The following PHLDB2 variants were observed in gnomAD, a reference collection of about 807,000 sequenced individuals.
PHLDB2 encodes pleckstrin homology like domain family B member 2, also known as pleckstrin homology-like domain family B member 2.
Under a neutral mutation model 123.6 loss-of-function variants are expected in PHLDB2, and 71 were observed. The ratio of observed to expected loss-of-function variants is 0.57; its 90% confidence interval spans 0.47 to 0.70. The LOEUF is 0.70. PHLDB2 is among the 30% of genes least tolerant of loss of function. The pLI is 0.00. For synonymous variants in PHLDB2, 547 were observed against 541.6 expected (o/e 1.01, Z -0.14); for missense variants, 1,446 against 1,519.5 (o/e 0.95, Z 0.80).
At chr3:111,738,929 T>C (rs1227392490) in intron 1 of PHLDB2, among the ~76,000 whole-genome samples, 5 of 152,140 alleles carry the variant, frequency 3.3e-5, no homozygotes, top group Non-Finnish European at 7.4e-5. Context: ...ATAGGAGACC[T>C]CGGTTGTGTT....
At chr3:111,769,851 A>C (rs1013756893) in intron 1 of PHLDB2, among the ~76,000 whole-genome samples, 1 of 152,264 alleles carries the variant, frequency 6.6e-6, no homozygotes, top group East Asian at 1.9e-4. Flanking sequence ...GATGAAACAC[A>C]TATGTTTAAG....
At chr3:111,852,423 G>A (rs1241018191) in intron 2 of PHLDB2, among the ~76,000 whole-genome samples, 1 of 148,514 alleles carries the variant, frequency 6.7e-6, no homozygotes, top group African/African-American at 2.5e-5. Context: ...TAATCCTTAT[G>A]TATAATTATC....
At position 111,859,828 on chromosome 3, in the gene PHLDB2, C is replaced by G. The variant is rs1242644945; in HGVS notation, c.-15+252C>G. On this transcript the variant is annotated intron_variant, in intron 1 of 17. Transcript: ENST00000431670. ...GGTGGGCGGGGGCAAAGGCTAGGCG[C>G]TAGGGCGGCGGCGCCAGCGTAGAGC... The G allele has an allele frequency of 8.1e-6, 8 of 985,676 alleles. No homozygotes were observed. The South Asian group carries it at 3.8e-4, about 46-fold the overall frequency. The allele number at this position is 985,676 out of a possible 1,614,324, so 61.1% of individuals were successfully genotyped here. A position where few individuals can be genotyped will look rare whatever the true frequency, so the allele number is the denominator to read the frequency against.
At position 111,967,668 on chromosome 3, in the gene PHLDB2, TA is replaced by T. The variant is rs1408315191; in HGVS notation, c.3169-8del. On this transcript the variant is annotated splice_polypyrimidine_tract_variant and intron_variant, in intron 14 of 17. Transcript: ENST00000431670. ...GTTTTAAAATAATCATTGTTATGCA[TA>T]ATGTTTAGGAACGGGAAATGGAAGC... is the stretch of plus-strand genomic sequence containing the variant. 1.9e-6 allele frequency: 3 copies of T among 1,601,052 alleles called. No homozygotes were observed. Among genetic ancestry groups the T allele is most frequent in the African/African-American group, 1.4e-5 (1 of 73,484 alleles).
At chr3:111,803,664 C>T (rs2061464034) in intron 1 of PHLDB2, among the ~76,000 whole-genome samples, 1 of 152,176 alleles carries the variant, frequency 6.6e-6, no homozygotes, top group Non-Finnish European at 1.5e-5. Flanking sequence ...CAGGTTCTTA[C>T]ATTCACTAAT....
At chr3:111,881,885 G>T (rs2065946151) in intron 1 of PHLDB2, among the ~76,000 whole-genome samples, 1 of 151,574 alleles carries the variant, frequency 6.6e-6, no homozygotes, top group African/African-American at 2.4e-5. Context: ...CATGGGTAAG[G>T]GTACCCATGT....
intron 1 of PHLDB2, among the ~76,000 whole-genome samples, chr3:111,881,344 C>G (rs976823830): frequency 2.6e-5 from 4 of 152,158 alleles, no homozygotes; most frequent in Non-Finnish European, 4.4e-5. Flanking sequence ...AGTCGCACTT[C>G]GTATGGGTCC....
At chr3:111,930,114 G>A (rs561313982) in intron 5 of PHLDB2, among the ~76,000 whole-genome samples, 14 of 150,872 alleles carry the variant, frequency 9.3e-5, no homozygotes, top group Non-Finnish European at 1.3e-4. Context: ...GGGTTTCACC[G>A]TGTTAGCCAG....
intron 1 of PHLDB2, among the ~76,000 whole-genome samples, chr3:111,809,332 A>T (rs545368231): frequency 6.6e-6 from 1 of 152,364 alleles, no homozygotes; most frequent in South Asian, 2.1e-4. Flanking sequence ...AACTCTAAAT[A>T]GTAAAATAAA....
chr3:111,733,116 T>C (rs1157209310), intron 1 of PHLDB2, among the ~76,000 whole-genome samples: 1 of 152,210 alleles, frequency 6.6e-6, no homozygotes, highest in Non-Finnish European at 1.5e-5. Context: ...GTATATGGTA[T>C]AGAATAATAT....
intron 1 of PHLDB2, among the ~76,000 whole-genome samples, chr3:111,868,269 C>A (rs538514053): frequency 2.0e-5 from 3 of 152,318 alleles, no homozygotes; most frequent in Non-Finnish European, 2.9e-5. Context: ...ATCCTCATGC[C>A]TCGGCCTCCT....
At chr3:111,836,746 T>C (rs1160156013) in intron 1 of PHLDB2, among the ~76,000 whole-genome samples, 1 of 152,112 alleles carries the variant, frequency 6.6e-6, no homozygotes, top group Non-Finnish European at 1.5e-5. Flanking sequence ...ACATCTTACA[T>C]GGTGACAGGA....
intron 1 of PHLDB2, among the ~76,000 whole-genome samples, chr3:111,863,753 T>C (rs887550642): frequency 2.6e-5 from 4 of 152,220 alleles, no homozygotes; most frequent in Admixed American, 6.5e-5. Context: ...AAGAAAGTTA[T>C]TGTTAATTAC....
At chr3:111,918,431 A>G (rs550036613) in intron 3 of PHLDB2, among the ~76,000 whole-genome samples, 1 of 152,358 alleles carries the variant, frequency 6.6e-6, no homozygotes, top group Non-Finnish European at 1.5e-5. Context: ...ACTAACACAA[A>G]AGTGAAGCAT....
intron 14 of PHLDB2, among the ~76,000 whole-genome samples, chr3:111,966,923 T>C (rs2071809497): frequency 1.3e-5 from 2 of 152,128 alleles, no homozygotes; most frequent in Admixed American, 1.3e-4. Context: ...ATATATATAG[T>C]ATTGACATAG....
At chr3:111,837,307 A>T (rs2063460555) in intron 1 of PHLDB2, among the ~76,000 whole-genome samples, 1 of 152,190 alleles carries the variant, frequency 6.6e-6, no homozygotes, top group Non-Finnish European at 1.5e-5. Context: ...AACCTTGTAC[A>T]ATATTCCTTA....
At chr3:111,922,980 G>T (rs1483422944) in intron 5 of PHLDB2, among the ~76,000 whole-genome samples, 1 of 152,052 alleles carries the variant, frequency 6.6e-6, no homozygotes, top group Non-Finnish European at 1.5e-5. Flanking sequence ...CCTGGGGTCA[G>T]TTTCTCTCTC....
chr3:111,801,934 A>C (rs2061392989), intron 1 of PHLDB2, among the ~76,000 whole-genome samples: 1 of 151,964 alleles, frequency 6.6e-6, no homozygotes, highest in South Asian at 2.1e-4. Flanking sequence ...ATAAGATAGC[A>C]GTGATGGTTG....
At chr3:111,898,373 C>A (rs576008153) in intron 2 of PHLDB2, among the ~76,000 whole-genome samples, 1 of 151,968 alleles carries the variant, frequency 6.6e-6, no homozygotes, top group African/African-American at 2.4e-5. Context: ...GGTAGAGACA[C>A]GGTTTCACCA....
Sources: gnomAD v4.1 joint callset for allele counts (sites outside exome capture counted in the v4.1 genomes callset) on GRCh38, gnomAD v4.1.1 for gene constraint, MANE v1.5 for transcripts, NCBI Gene and HGNC (gene_info 2026-07-23, HGNC 2026-07-21) for gene names.